The following NALF1 variants were observed in gnomAD, a reference collection of about 807,000 sequenced individuals.
NALF1 encodes family with sequence similarity 155 member A.
Under a neutral mutation model 48.4 loss-of-function variants are expected in NALF1, and 3 were observed. That is an observed-to-expected ratio of 0.06 (90% CI 0.03 to 0.16). The LOEUF is 0.16. NALF1 is among the 10% of genes least tolerant of loss of function. NALF1 has a pLI of 1.00. For synonymous variants in NALF1, 262 were observed against 245.7 expected, an observed-to-expected ratio of 1.07 and a Z score of -0.62; for missense variants, 526 against 571.5, an observed-to-expected ratio of 0.92 and a Z score of 0.81.
intron 1 of NALF1, among the ~76,000 whole-genome samples, chr13:107,857,453 C>T (rs1880466747): frequency 6.6e-6 from 1 of 152,152 alleles, no homozygotes; most frequent in South Asian, 2.1e-4. Context: ...ACCATTTCTA[C>T]CCACAGGTTT....
chr13:107,485,975 G>A (rs1174310953), intron 1 of NALF1, among the ~76,000 whole-genome samples: 3 of 152,120 alleles, frequency 2.0e-5, no homozygotes, highest in East Asian at 3.9e-4. Context: ...ATGAGGACAA[G>A]TTTTTCTGTT....
intron 1 of NALF1, among the ~76,000 whole-genome samples, chr13:107,854,652 C>T (rs1814188553): frequency 6.6e-6 from 1 of 152,046 alleles, no homozygotes; most frequent in Non-Finnish European, 1.5e-5. Context: ...GCGGGCAGAT[C>T]ACGAGGTCCA....
intron 1 of NALF1, among the ~76,000 whole-genome samples, chr13:107,609,856 T>G (rs1361058755): frequency 6.6e-6 from 1 of 152,118 alleles, no homozygotes; most frequent in East Asian, 1.9e-4. Flanking sequence ...GCATCTATAT[T>G]TACATGAATT....
chr13:107,440,591 G>C (rs1054266705), intron 1 of NALF1, among the ~76,000 whole-genome samples: 2 of 152,104 alleles, frequency 1.3e-5, no homozygotes, highest in Non-Finnish European at 2.9e-5. Flanking sequence ...GTAGTAGATC[G>C]ATTGTTGAAG....
intron 2 of NALF1, among the ~76,000 whole-genome samples, chr13:107,181,728 T>C (rs1879066832): frequency 6.6e-6 from 1 of 152,022 alleles, no homozygotes; most frequent in Non-Finnish European, 1.5e-5. Flanking sequence ...CAAATGTTTC[T>C]AATTATTTTG....
intron 1 of NALF1, among the ~76,000 whole-genome samples, chr13:107,248,518 A>G (rs912294031): frequency 1.3e-5 from 2 of 150,760 alleles, no homozygotes; most frequent in African/African-American, 4.9e-5. Flanking sequence ...AAGAAAGGTT[A>G]ACAGTAAAGC....
intron 1 of NALF1, among the ~76,000 whole-genome samples, chr13:107,824,739 C>G (rs1342617215): frequency 6.6e-6 from 1 of 152,232 alleles, no homozygotes; most frequent in African/African-American, 2.4e-5. Flanking sequence ...GCCAGAACTG[C>G]AAGTGCAGCT....
At chr13:107,699,205 A>C (rs765367310) in intron 1 of NALF1, among the ~76,000 whole-genome samples, 3 of 152,120 alleles carry the variant, frequency 2.0e-5, no homozygotes, top group Non-Finnish European at 2.9e-5. Flanking sequence ...GAGTAACACT[A>C]ATTTTTGTCC....
At chr13:107,818,033 T>C (rs768003176) in intron 1 of NALF1, among the ~76,000 whole-genome samples, 1 of 152,204 alleles carries the variant, frequency 6.6e-6, no homozygotes, top group Non-Finnish European at 1.5e-5. Flanking sequence ...AAATAAAAGG[T>C]ATATCCCTAT....
chr13:107,514,762 C>T (rs905410294), intron 1 of NALF1, among the ~76,000 whole-genome samples: 1 of 152,096 alleles, frequency 6.6e-6, no homozygotes, highest in Non-Finnish European at 1.5e-5. Context: ...AATGGTAGAG[C>T]CTGGTCTGTA....
chr13:107,609,094 G>A (rs1423514082), intron 1 of NALF1, among the ~76,000 whole-genome samples: 1 of 151,974 alleles, frequency 6.6e-6, no homozygotes, highest in Non-Finnish European at 1.5e-5. Flanking sequence ...CCTGCCGTTG[G>A]TATAGCTGGT....
chr13:107,214,221 A>G (rs905815332), intron 1 of NALF1, among the ~76,000 whole-genome samples: 1 of 152,206 alleles, frequency 6.6e-6, no homozygotes, highest in African/African-American at 2.4e-5. Context: ...GAAGGGGTTG[A>G]AAAGGATGTT....
intron 1 of NALF1, among the ~76,000 whole-genome samples, chr13:107,435,356 C>G (rs901860852): frequency 6.6e-6 from 1 of 152,040 alleles, no homozygotes; most frequent in African/African-American, 2.4e-5. Context: ...GTCTACTTAG[C>G]CCCAAATGAC....
chr13:107,420,252 AGAGG>A (rs1453001237), intron 1 of NALF1, among the ~76,000 whole-genome samples: 4 of 152,350 alleles, frequency 2.6e-5, no homozygotes, highest in African/African-American at 9.6e-5. Flanking sequence ...CAAAACAAAA[AGAGG>A]AAGGTAATCA....
chr13:107,716,674 T>G (rs978551112), intron 1 of NALF1, among the ~76,000 whole-genome samples: 2 of 152,206 alleles, frequency 1.3e-5, no homozygotes, highest in Non-Finnish European at 2.9e-5. Flanking sequence ...TGACTATATT[T>G]AAACACAGGA....
intron 2 of NALF1, among the ~76,000 whole-genome samples, chr13:107,178,394 G>T (rs1878984657): frequency 6.6e-6 from 1 of 152,182 alleles, no homozygotes. Flanking sequence ...ATTGGCAAAA[G>T]ATCTGAATAG....
At chr13:107,582,578 G>C (rs779324826) in intron 1 of NALF1, among the ~76,000 whole-genome samples, 6 of 152,108 alleles carry the variant, frequency 3.9e-5, no homozygotes, top group Non-Finnish European at 7.4e-5. Flanking sequence ...ACTGGCTATG[G>C]GGTCAGAATT....
intron 1 of NALF1, among the ~76,000 whole-genome samples, chr13:107,452,519 C>T (rs560194215): frequency 6.6e-6 from 1 of 152,238 alleles, no homozygotes; most frequent in African/African-American, 2.4e-5. Context: ...ATGAAGGTAA[C>T]CATCTTCATG....
rs202201395 is a variant in NALF1, at chr13:107,693,308, C to CA, written c.915+172373dup. ...TGGACACAGGGCGGGGAACACCACA[C>CA]ATCAGGGCCTGTCGTAGGGTAGGGG... On this transcript the variant is annotated intron_variant, in intron 1 of 2. Transcript: ENST00000375915. Among the ~76,000 whole-genome samples the CA allele has an allele frequency of 6.8e-3, 669 of 97,758 alleles. 19 individuals carry two copies. In the Admixed American group the frequency reaches 0.073, roughly 11 times the overall value. The allele number at this position is 97,758 out of a possible 152,430, so 64.1% of individuals were successfully genotyped here.
Sources: gnomAD v4.1 joint callset for allele counts (sites outside exome capture counted in the v4.1 genomes callset) on GRCh38, gnomAD v4.1.1 for gene constraint, MANE v1.5 for transcripts, NCBI Gene and HGNC (gene_info 2026-07-23, HGNC 2026-07-21) for gene names.